The following ESCO1 variants were observed in gnomAD, a reference collection of about 807,000 sequenced individuals.
ESCO1 encodes establishment of sister chromatid cohesion N-acetyltransferase 1, also known as N-acetyltransferase ESCO1.
Under a neutral mutation model 83.5 loss-of-function variants are expected in ESCO1, and 33 were observed. That is an observed-to-expected ratio of 0.40 (90% CI 0.30 to 0.53). The LOEUF (loss-of-function observed/expected upper bound fraction) is 0.53, where lower values mean the gene tolerates loss of function less well. Among genes scored for constraint, ESCO1 ranks in the 20% least tolerant of loss-of-function variants. The pLI is 0.63. For synonymous variants in ESCO1, 332 were observed against 324.3 expected (o/e 1.02, Z -0.25); for missense variants, 855 against 968.0 (o/e 0.88, Z 1.55).
chr18:21,532,079 T>C (rs961362871), intron 11 of ESCO1, among the ~76,000 whole-genome samples: 2 of 152,110 alleles, frequency 1.3e-5, no homozygotes, highest in Non-Finnish European at 2.9e-5. Flanking sequence ...GAGATTTTGA[T>C]AGTTTACAAA....
Position 21,536,122 on chromosome 18 carries a change from A to G in ESCO1, c.2107T>C (p.Tyr703His). The change falls in exon 10 of 12, where the codon TAT becomes CAT. Residue 703 changes from tyrosine to histidine, a missense_variant. Coordinates refer to ENST00000269214, the MANE Select transcript of ESCO1 (RefSeq NM_052911.3). ...LGFQQAPLMC[Y>H]SRTKTLLFIS... is the part of the protein sequence containing the mutation. ...AAGAGAAGTGTTTTAGTTCTGGAAT[A>G]GCACATTAGTGGAGCCTGTTGAAAA... is the stretch of plus-strand genomic sequence containing the variant. 6.2e-7 allele frequency: 1 copy of G among 1,614,214 alleles called. No individual in the cohort carries two copies. The highest frequency in any genetic ancestry group is 8.5e-7 in the Non-Finnish European group (1 of 1,180,020).
intron 6 of ESCO1, among the ~76,000 whole-genome samples, chr18:21,564,578 A>G (rs1183546072): frequency 6.6e-6 from 1 of 150,448 alleles, no homozygotes; most frequent in Admixed American, 6.6e-5. Flanking sequence ...TTGTATTTTT[A>G]GTAGAGACGG....
intron 8 of ESCO1, among the ~76,000 whole-genome samples, chr18:21,544,590 T>C (rs937850482): frequency 2.6e-5 from 4 of 151,624 alleles, no homozygotes; most frequent in African/African-American, 4.8e-5. Context: ...GATCATGCCA[T>C]TGCACTGCAG....
At chr18:21,596,238 C>CA (rs66534114) in intron 1 of ESCO1, among the ~76,000 whole-genome samples, 72,764 of 148,562 alleles carry the variant, frequency 0.49, 20,743 homozygotes, top group Non-Finnish European at 0.65. Context: ...AAAAACAAAA[C>CA]AAAAAAAAAC....
chr18:21,575,755 G>A lies in ESCO1; in HGVS notation c.-671C>T. 2.5e-6 allele frequency: 1 copy of A among 398,088 alleles called. No individual in the cohort carries two copies. Among genetic ancestry groups the A allele is most frequent in the Non-Finnish European group, 4.4e-6 (1 of 225,844 alleles). 24.7% of individuals were successfully genotyped at this position (398,088 alleles called of 1,614,324 possible). A position where few individuals can be genotyped will look rare whatever the true frequency, so the allele number is the denominator to read the frequency against. ...TAGACAAAACCATTCCTTCTAATAT[G>A]CTCTTAACACATCACACAGCACCTG... On this transcript the variant is annotated 5_prime_UTR_variant, in exon 3 of 12. Transcript: ENST00000269214.
intron 1 of ESCO1, among the ~76,000 whole-genome samples, chr18:21,591,587 C>A (rs947301263): frequency 1.3e-5 from 2 of 151,024 alleles, no homozygotes; most frequent in African/African-American, 2.4e-5. Flanking sequence ...ACCAGAAATT[C>A]TTCAATCATA....
intron 4 of ESCO1, among the ~76,000 whole-genome samples, chr18:21,569,864 T>C (rs1235464716): frequency 6.6e-6 from 1 of 151,856 alleles, no homozygotes; most frequent in Non-Finnish European, 1.5e-5. Flanking sequence ...AAGAAAAAAA[T>C]ACTCCAAACT....
intron 1 of ESCO1, chr18:21,593,576 C>G (rs1452468834): frequency 4.4e-5 from 2 of 45,662 alleles, no homozygotes; most frequent in Non-Finnish European, 1.1e-4. Flanking sequence ...AGAGGGAGAC[C>G]GTGGAAAGAG....
rs1287072024 is a variant in ESCO1, at chr18:21,574,324, G to A, written c.520C>T (p.His174Tyr). 1 of 1,613,634 alleles carries A rather than the reference G, an allele frequency of 6.2e-7. No homozygotes were observed. Among genetic ancestry groups the A allele is most frequent in the Non-Finnish European group, 8.5e-7 (1 of 1,179,968 alleles). ...ACTTCCAGTACTTTTCTCTTCACAT[G>A]TTTTTGACTTGTTTTATTAGATTTA... is the stretch of plus-strand genomic sequence containing the variant. ...QSKSNKTSQK[H>Y]VKRKVLEVKS... Residue 174 changes from histidine to tyrosine, a missense_variant, in exon 4 of 12, where the codon CAT becomes TAT. By Grantham distance (83) the His-to-Tyr change is moderately conservative. Around this residue, in one of 2 missense-constraint regions of ESCO1, gnomAD observed 726 missense variants for 699.5 expected, o/e 1.04. Coordinates refer to ENST00000269214, the MANE Select transcript of ESCO1 (RefSeq NM_052911.3).
chr18:21,578,399 G>A (rs2038448200), intron 2 of ESCO1, among the ~76,000 whole-genome samples: 2 of 151,992 alleles, frequency 1.3e-5, no homozygotes, highest in South Asian at 4.1e-4. Flanking sequence ...TGACTAAGAT[G>A]GCACATGGGA....
At chr18:21,550,525 G>T (rs1050912090) in intron 8 of ESCO1, among the ~76,000 whole-genome samples, 1 of 152,082 alleles carries the variant, frequency 6.6e-6, no homozygotes, top group Non-Finnish European at 1.5e-5. Flanking sequence ...TTTTCAATAG[G>T]TAGCAACAAT....
chr18:21,561,794 C>G (rs1271868177), intron 7 of ESCO1, among the ~76,000 whole-genome samples: 5 of 152,128 alleles, frequency 3.3e-5, no homozygotes, highest in Non-Finnish European at 7.3e-5. Flanking sequence ...TGGTCTAGAA[C>G]TGAGCTCAAG....
intron 10 of ESCO1, among the ~76,000 whole-genome samples, chr18:21,535,591 C>T (rs762512504): frequency 6.6e-6 from 1 of 152,120 alleles, no homozygotes; most frequent in Non-Finnish European, 1.5e-5. Flanking sequence ...ACCGTATTAG[C>T]CAGGATGGTC....
intron 7 of ESCO1, among the ~76,000 whole-genome samples, chr18:21,563,278 T>C (rs893470697): frequency 1.3e-5 from 2 of 152,178 alleles, no homozygotes; most frequent in Non-Finnish European, 2.9e-5. Flanking sequence ...CAATTTGTTA[T>C]AAAACTAGAA....
At chr18:21,577,467 T>C (rs1244713223) in intron 2 of ESCO1, among the ~76,000 whole-genome samples, 1 of 149,782 alleles carries the variant, frequency 6.7e-6, no homozygotes, top group Admixed American at 6.7e-5. Context: ...GAGACCATCC[T>C]GGCTAACATG....
At chr18:21,549,147 C>A (rs1325630646) in intron 8 of ESCO1, among the ~76,000 whole-genome samples, 1 of 152,114 alleles carries the variant, frequency 6.6e-6, no homozygotes, top group Non-Finnish European at 1.5e-5. Flanking sequence ...ATATAAAACC[C>A]TGCTCTAATT....
intron 8 of ESCO1, among the ~76,000 whole-genome samples, chr18:21,547,070 C>T (rs2037983201): frequency 1.3e-5 from 2 of 152,192 alleles, no homozygotes; most frequent in Non-Finnish European, 1.5e-5. Flanking sequence ...TCCTACTTAT[C>T]CTTTCTGAAT....
At chr18:21,579,677 CAGG>C (rs374314763) in intron 2 of ESCO1, among the ~76,000 whole-genome samples, 1,661 of 150,186 alleles carry the variant, frequency 0.011, 35 homozygotes, top group African/African-American at 0.038. Flanking sequence ...GAGGCTGAGG[CAGG>C]AGAATTGCTT....
chr18:21,595,435 C>T (rs1202068204), intron 1 of ESCO1, among the ~76,000 whole-genome samples: 2 of 150,914 alleles, frequency 1.3e-5, no homozygotes, highest in African/African-American at 4.9e-5. Context: ...TTTGGGAGGC[C>T]GAGGCGGGTG....
Sources: gnomAD v4.1 joint callset for allele counts (sites outside exome capture counted in the v4.1 genomes callset) on GRCh38, gnomAD v4.1.1 for gene constraint, gnomAD v4.1.1 regional missense constraint, MANE v1.5 for transcripts, NCBI Gene and HGNC (gene_info 2026-07-23, HGNC 2026-07-21) for gene names.